NELL1: variants seen among roughly 807,000 people sequenced by gnomAD.
NELL1 encodes the protein protein kinase C-binding protein NELL1.
In NELL1, 76 loss-of-function variants were observed where a neutral mutation model predicts 107.4. The ratio of observed to expected loss-of-function variants is 0.71; its 90% CI spans 0.59 to 0.86. NELL1 has a LOEUF of 0.86. Ranked by LOEUF, NELL1 falls within the 40% of genes least tolerant of loss-of-function variation. The probability of loss-of-function intolerance (pLI) is 0.00; values close to 1 mark genes in which losing one functional copy is unlikely to be tolerated. For synonymous variants in NELL1, 353 were observed against 341.2 expected (o/e 1.03, Z -0.38); for missense variants, 1,024 against 1,005.5 (o/e 1.02, Z -0.25).
At chr11:21,572,340 G>C (rs1857116656) in intron 18 of NELL1, among the ~76,000 whole-genome samples, 1 of 151,790 alleles carries the variant, frequency 6.6e-6, no homozygotes, top group African/African-American at 2.4e-5. Flanking sequence ...TGAGAATACT[G>C]TGGGTCATAC....
In NELL1 at chr11:21,421,246, A is replaced by G. The variant is rs554175894; in HGVS notation, c.1645+50298A>G. ...GCCTCTTCACCTAAACAATGATTAC[A>G]CTGGCCAAATCTTTCTGACGTAACT... On this transcript the variant is annotated intron_variant, in intron 15 of 19. Transcript: ENST00000357134. 3.3e-5 allele frequency among the ~76,000 whole-genome samples: 5 copies of G among 152,314 alleles called. No individual in the cohort carries two copies. The East Asian group carries it at 7.7e-4, about 24-fold the overall frequency.
At chr11:21,537,672 C>G (rs1856171645) in intron 16 of NELL1, among the ~76,000 whole-genome samples, 1 of 152,022 alleles carries the variant, frequency 6.6e-6, no homozygotes, top group Admixed American at 6.6e-5. Flanking sequence ...CCTTGTTTGC[C>G]TTTTACTACT....
At chr11:21,023,049 G>C (rs1440766443) in intron 12 of NELL1, among the ~76,000 whole-genome samples, 1 of 151,960 alleles carries the variant, frequency 6.6e-6, no homozygotes, top group East Asian at 1.9e-4. Context: ...CATCTGGGAA[G>C]AATACTCACT....
At chr11:21,429,611 C>A (rs1852918138) in intron 15 of NELL1, among the ~76,000 whole-genome samples, 1 of 152,204 alleles carries the variant, frequency 6.6e-6, no homozygotes, top group South Asian at 2.1e-4. Flanking sequence ...TGAGCTGCAT[C>A]AGCTTTGAAA....
intron 13 of NELL1, among the ~76,000 whole-genome samples, chr11:21,188,344 C>G (rs1454667375): frequency 6.6e-6 from 1 of 151,750 alleles, no homozygotes; most frequent in Non-Finnish European, 1.5e-5. Flanking sequence ...GCCATCATCT[C>G]CATTAAGAAT....
rs77234363 is a variant in NELL1, at chr11:21,555,179, C to T, written c.1787-5010C>T. Among the ~76,000 whole-genome samples the T allele has an allele frequency of 7.9e-3, 1,207 of 151,832 alleles. 35 individuals carry two copies. The highest frequency in any genetic ancestry group is 0.077 in the East Asian group (393 of 5,116). On this transcript the variant is annotated intron_variant, in intron 16 of 19. Transcript: ENST00000357134. ...ATGTTAAATAAATATGCAGGGAATT[C>T]ATTTATTCATTGATGAGTACTAGTG...
intron 2 of NELL1, among the ~76,000 whole-genome samples, chr11:20,694,421 C>G (rs1000007339): frequency 6.6e-6 from 1 of 152,002 alleles, no homozygotes; most frequent in African/African-American, 2.4e-5. Flanking sequence ...AATCTTTAAT[C>G]CATCTTGAGT....
chr11:20,797,093 T>C (rs897446511), intron 3 of NELL1, among the ~76,000 whole-genome samples: 1 of 151,938 alleles, frequency 6.6e-6, no homozygotes, highest in African/African-American at 2.4e-5. Flanking sequence ...AGAGGCCAGA[T>C]TGTGAATAGG....
Position 21,483,543 on chromosome 11 carries a change from G to A in NELL1, c.1646-50831G>A, listed in dbSNP as rs971199584. Among the ~76,000 whole-genome samples the A allele has an allele frequency of 5.3e-5, 8 of 151,892 alleles. No homozygotes were observed. In the East Asian group the frequency reaches 9.7e-4, roughly 18 times the overall value. The stretch of plus-strand genomic sequence containing the variant: ...GTTATCTGCAGTAATTATCCTGTTC[G>A]TTTAGCAATTAAAAATGCTAGTAAA... On this transcript the variant is annotated intron_variant, in intron 15 of 19. Transcript: ENST00000357134.
chr11:20,922,830 A>G (rs1476221894), intron 7 of NELL1, among the ~76,000 whole-genome samples: 1 of 152,108 alleles, frequency 6.6e-6, no homozygotes, highest in Non-Finnish European at 1.5e-5. Context: ...CTGTTTCCCC[A>G]TATGTAAAAT....
At chr11:20,928,342 T>G in intron 8 of NELL1, 35 bp from the exon 9 acceptor site, 2 of 1,563,748 alleles carry the variant, frequency 1.3e-6, no homozygotes, top group Non-Finnish European at 8.8e-7. Context: ...CAAAGGATAC[T>G]TCTGAGATTA....
intron 13 of NELL1, among the ~76,000 whole-genome samples, chr11:21,116,024 T>G (rs1295524103): frequency 2.0e-5 from 3 of 151,980 alleles, no homozygotes; most frequent in African/African-American, 7.2e-5. Flanking sequence ...CTGTGGTTAT[T>G]GTCCTCACCT....
chr11:21,095,629 A>G (rs868270773), intron 12 of NELL1, among the ~76,000 whole-genome samples: 55 of 152,038 alleles, frequency 3.6e-4, no homozygotes, highest in African/African-American at 1.3e-3. Flanking sequence ...TTTTTTTTCA[A>G]GACAGAGTTT....
chr11:21,006,494 G>A (rs938677348), intron 12 of NELL1, among the ~76,000 whole-genome samples: 1 of 152,006 alleles, frequency 6.6e-6, no homozygotes, highest in East Asian at 1.9e-4. Context: ...ATTAAGACAG[G>A]ATTTCTTCTG....
chr11:20,892,955 A>G (rs1849649074), intron 5 of NELL1, among the ~76,000 whole-genome samples: 1 of 151,538 alleles, frequency 6.6e-6, no homozygotes, highest in South Asian at 2.1e-4. Flanking sequence ...AAACAGACAC[A>G]TGTACATGTA....
At chr11:20,854,752 G>T (rs1848851527) in intron 4 of NELL1, among the ~76,000 whole-genome samples, 1 of 152,156 alleles carries the variant, frequency 6.6e-6, no homozygotes, top group Admixed American at 6.5e-5. Context: ...TGGAGGCCTT[G>T]GTAGCTCGGT....
intron 15 of NELL1, among the ~76,000 whole-genome samples, chr11:21,489,141 T>C (rs186156174): frequency 4.0e-4 from 61 of 151,936 alleles, no homozygotes; most frequent in African/African-American, 1.3e-3. Flanking sequence ...TCAAAGACTA[T>C]TGTGAACAGT....
intron 14 of NELL1, among the ~76,000 whole-genome samples, chr11:21,242,263 G>A (rs766058971): frequency 1.6e-4 from 25 of 152,170 alleles, no homozygotes; most frequent in Admixed American, 2.0e-4. Flanking sequence ...AGTGATTCAG[G>A]AATACAGTCA....
chr11:20,937,965 C>T (rs1292314363), intron 10 of NELL1, 106 bp downstream of exon 10: 2 of 1,050,402 alleles, frequency 1.9e-6, no homozygotes, highest in Middle Eastern at 2.1e-4. Context: ...GGATAGGGCC[C>T]CGAGGGGTGG....
Sources: allele counts gnomAD v4.1 joint callset (sites outside exome capture counted in the v4.1 genomes callset), GRCh38; gene constraint gnomAD v4.1.1; transcripts MANE v1.5; gene names NCBI Gene and HGNC (gene_info 2026-07-23, HGNC 2026-07-21).